The following ZFHX3 variants were observed in gnomAD, a reference collection of about 807,000 sequenced individuals.
ZFHX3 encodes the protein zinc finger homeobox 3.
Under a neutral mutation model 279.1 loss-of-function variants are expected in ZFHX3, and 42 were observed. The observed-to-expected ratio is 0.15, with a 90% CI of 0.12 to 0.19. The LOEUF is 0.19. Ranked by LOEUF, ZFHX3 falls within the 10% of genes least tolerant of loss-of-function variation. The pLI, the probability that ZFHX3 is intolerant of heterozygous loss-of-function variation, is 1.00. For missense variants in ZFHX3, 4,981 were observed against 4,754.0 expected (o/e 1.05, Z -1.40); for synonymous variants, 2,293 against 1,957.8 (o/e 1.17, Z -4.52).
At chr16:72,992,780 G>C (rs1461198728) in intron 1 of ZFHX3, among the ~76,000 whole-genome samples, 1 of 152,236 alleles carries the variant, frequency 6.6e-6, no homozygotes, top group Non-Finnish European at 1.5e-5. Context: ...GTGGATGGCC[G>C]TGCACACGAA....
intron 2 of ZFHX3, among the ~76,000 whole-genome samples, chr16:73,521,105 A>G (rs1221647239): frequency 6.6e-6 from 1 of 152,196 alleles, no homozygotes; most frequent in Non-Finnish European, 1.5e-5. Context: ...TAGCCACCTG[A>G]TTTTTAAGGC....
intron 4 of ZFHX3, among the ~76,000 whole-genome samples, chr16:72,870,289 G>C (rs914838253): frequency 3.9e-5 from 6 of 152,176 alleles, no homozygotes; most frequent in Non-Finnish European, 8.8e-5. Context: ...GTACTCAGGA[G>C]GCTGAGGTGG....
At chr16:73,690,462 T>C (rs1371360823) in intron 1 of ZFHX3, among the ~76,000 whole-genome samples, 1 of 152,224 alleles carries the variant, frequency 6.6e-6, no homozygotes, top group Admixed American at 6.5e-5. Flanking sequence ...GGAATTGCTT[T>C]ACACCTTGCA....
intron 2 of ZFHX3, among the ~76,000 whole-genome samples, chr16:73,665,165 G>A (rs1277976408): frequency 1.3e-5 from 2 of 151,734 alleles, no homozygotes; most frequent in Non-Finnish European, 2.9e-5. Context: ...GGTCATAACA[G>A]GTGCTTGGGG....
intron 9 of ZFHX3, chr16:72,790,972 C>G (rs538657974): frequency 6.6e-6 from 1 of 152,018 alleles, no homozygotes; most frequent in South Asian, 2.1e-4. Flanking sequence ...ATTTACCAAG[C>G]CTTGCACTAG....
chr16:73,890,464 A>T (rs2030497693), intron 1 of ZFHX3, among the ~76,000 whole-genome samples: 1 of 152,170 alleles, frequency 6.6e-6, no homozygotes, highest in African/African-American at 2.4e-5. Flanking sequence ...ATAACACTGA[A>T]TGTCAGAGAT....
intron 1 of ZFHX3, among the ~76,000 whole-genome samples, chr16:72,992,171 T>C (rs971466835): frequency 3.3e-5 from 5 of 152,114 alleles, no homozygotes; most frequent in Admixed American, 2.6e-4. Context: ...ATCTCCCTCC[T>C]TGCTAGAGCA....
intron 1 of ZFHX3, among the ~76,000 whole-genome samples, chr16:72,962,470 C>A (rs1961626049): frequency 1.3e-5 from 2 of 152,214 alleles, no homozygotes; most frequent in Admixed American, 1.3e-4. Flanking sequence ...CTAGAGCCCA[C>A]CCATTCACGG....
At chr16:73,233,113 A>T (rs2012829515) in intron 5 of ZFHX3, 1 of 150,910 alleles carries the variant, frequency 6.6e-6, no homozygotes, top group Non-Finnish European at 1.5e-5. Flanking sequence ...AGAGCCAAAA[A>T]AAAAAAAAAA....
intron 2 of ZFHX3, among the ~76,000 whole-genome samples, chr16:73,518,101 C>A (rs1201055224): frequency 6.6e-6 from 1 of 152,110 alleles, no homozygotes; most frequent in African/African-American, 2.4e-5. Context: ...CTCTACATAT[C>A]TCAGTTAGGA....
At chr16:73,284,611 G>C (rs139337342) in intron 4 of ZFHX3, among the ~76,000 whole-genome samples, 242 of 152,110 alleles carry the variant, frequency 1.6e-3, no homozygotes, top group Admixed American at 2.1e-3. Context: ...TTGCTCTTAC[G>C]AGAATATCAT....
At chr16:73,425,004 G>A (rs2017786767) in intron 3 of ZFHX3, among the ~76,000 whole-genome samples, 1 of 152,134 alleles carries the variant, frequency 6.6e-6, no homozygotes, top group South Asian at 2.1e-4. Context: ...ACCACCAGCG[G>A]GAGTGCGTCT....
rs1363814918 is a variant in ZFHX3, at chr16:73,448,576, TAGAAAA to T, written c.-1291+7421_-1291+7426del. ...AAAAGATAAAAAATAAGGAAGGTAA[TAGAAAA>T]AGAAAATAATAGATGTTCCTGGAGT... On this transcript the variant is annotated intron_variant, in intron 3 of 17. Coordinates refer to the ZFHX3 transcript ENST00000641206. Among the ~76,000 whole-genome samples, 8 of 151,324 alleles carry T rather than the reference TAGAAAA, an allele frequency of 5.3e-5. No individual in the cohort carries two copies. The East Asian group carries it at 1.6e-3, about 30-fold the overall frequency.
At chr16:73,784,678 C>G (rs574865561) in intron 1 of ZFHX3, among the ~76,000 whole-genome samples, 1 of 151,740 alleles carries the variant, frequency 6.6e-6, no homozygotes, top group Admixed American at 6.6e-5. Flanking sequence ...ACCCAGGAGG[C>G]AGAGGTTGCA....
At chr16:73,123,302 G>C (rs935009887) in intron 7 of ZFHX3, 1 of 147,336 alleles carries the variant, frequency 6.8e-6, no homozygotes, top group Admixed American at 6.9e-5. Context: ...TACTACTCAC[G>C]GGACATCAGG....
chr16:73,878,896 G>C (rs2030043820), intron 1 of ZFHX3, among the ~76,000 whole-genome samples: 1 of 150,458 alleles, frequency 6.6e-6, no homozygotes. Context: ...GATGTAACTG[G>C]AAAGACATCC....
Position 72,797,454 on chromosome 16 carries a change from T to G in ZFHX3, c.5228A>C (p.Gln1743Pro), listed in dbSNP as rs1241186743. The G allele has an allele frequency of 4.3e-6, 7 of 1,612,412 alleles. No homozygotes were observed. In the Admixed American group the frequency reaches 5.0e-5, roughly 12 times the overall value. Reference protein sequence around the residue: ...QQQQQQQQQAQTLAQAQAQVQ... With the variant: ...QQQQQQQQQAPTLAQAQAQVQ... ...TTGAGCCTGGGCCTGGGCCAGCGTT[T>G]GTGCTTGTTGTTGTTGTTGTTGTTG... Residue 1743 changes from glutamine to proline, a missense_variant, in exon 9 of 10, where the codon CAA becomes CCA. By Grantham distance (76) the Gln-to-Pro change is moderately conservative (BLOSUM62 -1). Coordinates refer to ENST00000268489, the MANE Select transcript of ZFHX3 (RefSeq NM_006885.4).
rs147633818 is a variant in ZFHX3 at position 73,348,206 on chromosome 16, T to G, written c.-1290-29870A>C. Among the ~76,000 whole-genome samples, 1,512 of 152,262 alleles carry G rather than the reference T, an allele frequency of 9.9e-3. 11 individuals carry two copies. The highest frequency in any genetic ancestry group is 0.015 in the Non-Finnish European group (1,016 of 68,028). On this transcript the variant is annotated intron_variant, in intron 3 of 17. Transcript: ENST00000641206. ...TTTTCTGCTGGCCACCAAGACATACTCCATGTAATTACATCCGAAGCACTC... is the reference window on the plus strand; with the variant it reads ...TTTTCTGCTGGCCACCAAGACATACGCCATGTAATTACATCCGAAGCACTC...
chr16:73,768,137 C>T (rs2053974738), intron 1 of ZFHX3, among the ~76,000 whole-genome samples: 1 of 152,164 alleles, frequency 6.6e-6, no homozygotes, highest in Non-Finnish European at 1.5e-5. Context: ...CAACCTTTCC[C>T]TCCTATCACT....
Sources: gnomAD v4.1 joint callset for allele counts (sites outside exome capture counted in the v4.1 genomes callset) on GRCh38, gnomAD v4.1.1 for gene constraint, MANE v1.5 for transcripts, NCBI Gene and HGNC (gene_info 2026-07-23, HGNC 2026-07-21) for gene names.